Variants in CLINT1 observed in about 807,000 individuals in gnomAD.
The protein encoded by CLINT1 is clathrin interacting protein localized in the trans-Golgi region.
A neutral mutation model predicts 70.4 loss-of-function variants in CLINT1; 15 were observed. That is an observed-to-expected ratio of 0.21 (90% CI 0.14 to 0.33). The LOEUF (loss-of-function observed/expected upper bound fraction) is 0.33. Among genes scored for constraint, CLINT1 ranks in the 10% least tolerant of loss-of-function variants. The pLI is 1.00. For synonymous variants in CLINT1, 227 were observed against 254.7 expected, an observed-to-expected ratio of 0.89 and a Z score of 1.04; for missense variants, 615 against 778.1, an observed-to-expected ratio of 0.79 and a Z score of 2.49.
chr5:157,857,048 G>A (rs1363102189), intron 1 of CLINT1, among the ~76,000 whole-genome samples: 2 of 152,080 alleles, frequency 1.3e-5, no homozygotes, highest in Non-Finnish European at 2.9e-5. Context: ...AGAACAAGGT[G>A]TTTCTTAATG....
chr5:157,843,114 C>T (rs1753245712), intron 1 of CLINT1, among the ~76,000 whole-genome samples: 1 of 151,780 alleles, frequency 6.6e-6, no homozygotes, highest in African/African-American at 2.4e-5. Context: ...GATAAGATAG[C>T]CACTAAAAAA....
intron 1 of CLINT1, among the ~76,000 whole-genome samples, chr5:157,856,503 A>C (rs1317375164): frequency 6.6e-6 from 1 of 152,160 alleles, no homozygotes; most frequent in African/African-American, 2.4e-5. Context: ...CTGCTTCTTC[A>C]TTTGCAAGTT....
At chr5:157,820,836 G>C (rs1341093278) in intron 1 of CLINT1, among the ~76,000 whole-genome samples, 1 of 152,074 alleles carries the variant, frequency 6.6e-6, no homozygotes, top group Non-Finnish European at 1.5e-5. Flanking sequence ...TATCACAGAC[G>C]CTAGAGGGGG....
At chr5:157,842,773 T>C (rs1001583499) in intron 1 of CLINT1, among the ~76,000 whole-genome samples, 5 of 152,232 alleles carry the variant, frequency 3.3e-5, no homozygotes, top group Admixed American at 6.5e-5. Flanking sequence ...AAACAAAGTA[T>C]AGAAATATTA....
At chr5:157,818,467 T>TAAAAAAAAAAAAAAAAAAAAAAA (rs929415179) in intron 1 of CLINT1, among the ~76,000 whole-genome samples, 1 of 88,336 alleles carries the variant, frequency 1.1e-5, no homozygotes, top group Non-Finnish European at 2.2e-5. Flanking sequence ...ACCTGGTCTC[T>TAAAAAAAAAAAAAAAAAAAAAAA]AAAAAAAAAA....
rs1762734733 is a variant in CLINT1, at chr5:157,816,782, C to G, written c.195G>C (p.Trp65Cys). ...TTTTGTTGTCTTTTAACATTCGTGACCAAAGCATGTTCATAAGTTCTGGAA... is the reference window on the plus strand; with the variant it reads ...TTTTGTTGTCTTTTAACATTCGTGAGCAAAGCATGTTCATAAGTTCTGGAA... ...EQFPELMNML[W>C]SRMLKDNKKN... The change falls in exon 3 of 12, where the codon TGG becomes TGC. Residue 65 changes from tryptophan (W) to cysteine (C), a missense_variant. Transcript: ENST00000411809. 2 of 1,611,250 alleles carry G rather than the reference C, an allele frequency of 1.2e-6. No individual in the cohort carries two copies. The highest frequency in any genetic ancestry group is 8.5e-7 in the Non-Finnish European group (1 of 1,179,098).
At chr5:157,817,952 T>C (rs925443090) in intron 1 of CLINT1, among the ~76,000 whole-genome samples, 3 of 152,224 alleles carry the variant, frequency 2.0e-5, no homozygotes, top group Non-Finnish European at 2.9e-5. Context: ...AGAAATTCTA[T>C]AAATTAGGCA....
chr5:157,790,494 C>A, intron 10 of CLINT1: 4 of 316,416 alleles, frequency 1.3e-5, no homozygotes, highest in South Asian at 2.7e-5. Context: ...AAAAATGTAC[C>A]AATGCAAAGA....
At chr5:157,825,168 T>C (rs935725697) in intron 1 of CLINT1, among the ~76,000 whole-genome samples, 11 of 152,134 alleles carry the variant, frequency 7.2e-5, no homozygotes, top group African/African-American at 2.7e-4. Context: ...ACCTAGTTAT[T>C]AATACTTAAA....
chr5:157,849,210 T>G (rs1377243986), intron 1 of CLINT1, among the ~76,000 whole-genome samples: 2 of 152,214 alleles, frequency 1.3e-5, no homozygotes, highest in Non-Finnish European at 2.9e-5. Context: ...AAAACTTCAT[T>G]GTTATTTTAA....
At chr5:157,846,056 C>G (rs1221913386) in intron 1 of CLINT1, among the ~76,000 whole-genome samples, 3 of 152,280 alleles carry the variant, frequency 2.0e-5, no homozygotes, top group African/African-American at 7.2e-5. Context: ...TCTGGCATCT[C>G]TATTCCCTTA....
chr5:157,804,249 T>C (rs185936683), intron 7 of CLINT1, among the ~76,000 whole-genome samples: 8 of 152,272 alleles, frequency 5.3e-5, no homozygotes, highest in Admixed American at 4.6e-4. Flanking sequence ...GCAAAACTTA[T>C]TGTTTGTATA....
At chr5:157,798,113 CTCT>C (rs1170404492) in intron 8 of CLINT1, among the ~76,000 whole-genome samples, 1 of 152,156 alleles carries the variant, frequency 6.6e-6, no homozygotes, top group East Asian at 1.9e-4. Flanking sequence ...AATTAAAAAT[CTCT>C]TTATTTAGAA....
chr5:157,806,989 A>C (rs1380752043), intron 6 of CLINT1, among the ~76,000 whole-genome samples: 7 of 145,006 alleles, frequency 4.8e-5, no homozygotes, highest in Admixed American at 1.4e-4. Context: ...AGAGAGAGAG[A>C]GCGAAAGAGA....
At chr5:157,804,861 A>C (rs2113173430) in intron 7 of CLINT1, among the ~76,000 whole-genome samples, 1 of 152,258 alleles carries the variant, frequency 6.6e-6, no homozygotes, top group African/African-American at 2.4e-5. Context: ...TGGGAAGCAG[A>C]GGTTGCGGTG....
At chr5:157,804,698 G>T (rs1762334944) in intron 7 of CLINT1, among the ~76,000 whole-genome samples, 1 of 152,154 alleles carries the variant, frequency 6.6e-6, no homozygotes, top group African/African-American at 2.4e-5. Flanking sequence ...GCCGAAGCAG[G>T]TGGATCACTT....
intron 1 of CLINT1, among the ~76,000 whole-genome samples, chr5:157,847,424 T>C (rs1753419316): frequency 1.3e-5 from 2 of 151,566 alleles, no homozygotes; most frequent in South Asian, 4.2e-4. Flanking sequence ...GGCAGGAGAA[T>C]GGCGTGAACC....
At chr5:157,846,758 G>A (rs750511292) in intron 1 of CLINT1, among the ~76,000 whole-genome samples, 42 of 152,152 alleles carry the variant, frequency 2.8e-4, no homozygotes, top group Admixed American at 5.9e-4. Flanking sequence ...ATGGGCTAAC[G>A]CAGCTGTGAG....
chr5:157,836,990 T>C (rs1166155841), intron 1 of CLINT1, among the ~76,000 whole-genome samples: 2 of 152,264 alleles, frequency 1.3e-5, no homozygotes, highest in African/African-American at 4.8e-5. Flanking sequence ...ATACTCATTA[T>C]ATTAAAAAGC....
Sources: gnomAD v4.1 joint callset for allele counts (sites outside exome capture counted in the v4.1 genomes callset) on GRCh38, gnomAD v4.1.1 for gene constraint, MANE v1.5 for transcripts, NCBI Gene and HGNC (gene_info 2026-07-23, HGNC 2026-07-21) for gene names.